Variants in SMOC1 observed in about 807,000 individuals in gnomAD.
SMOC1 encodes SPARC related modular calcium binding 1.
SMOC1 carries 22 observed loss-of-function variants against 56.3 expected under a neutral mutation model. That is an observed-to-expected ratio of 0.39 (90% confidence interval 0.28 to 0.56). The LOEUF (loss-of-function observed/expected upper bound fraction) is 0.56, where lower values mean the gene tolerates loss of function less well. Ranked by LOEUF, SMOC1 falls within the 20% of genes least tolerant of loss-of-function variation. The pLI, the probability that SMOC1 is intolerant of heterozygous loss-of-function variation, is 0.61. For synonymous variants in SMOC1, 193 were observed against 215.0 expected (o/e 0.90, Z 0.89); for missense variants, 509 against 565.4 (o/e 0.90, Z 1.01).
intron 1 of SMOC1, among the ~76,000 whole-genome samples, chr14:69,917,315 G>A (rs922428917): frequency 5.3e-5 from 8 of 152,176 alleles, no homozygotes; most frequent in African/African-American, 1.2e-4. Flanking sequence ...CAAACACCTC[G>A]CTGACAATGC....
intron 11 of SMOC1, among the ~76,000 whole-genome samples, chr14:70,026,204 A>G (rs915353310): frequency 1.3e-5 from 2 of 152,202 alleles, no homozygotes; most frequent in African/African-American, 4.8e-5. Context: ...GCACAGTCAG[A>G]TGGCCAATGT....
intron 10 of SMOC1, among the ~76,000 whole-genome samples, chr14:70,016,681 A>G (rs569016952): frequency 2.6e-5 from 4 of 152,234 alleles, no homozygotes; most frequent in African/African-American, 9.6e-5. Context: ...CTCTCCTCAC[A>G]TATTCCTTTC....
intron 1 of SMOC1, among the ~76,000 whole-genome samples, chr14:69,907,243 A>G (rs1884434165): frequency 6.6e-6 from 1 of 152,176 alleles, no homozygotes; most frequent in African/African-American, 2.4e-5. Context: ...CTTATCATGG[A>G]GGAATTATTA....
chr14:69,899,283 TC>T (rs1037379424), intron 1 of SMOC1, among the ~76,000 whole-genome samples: 3 of 152,186 alleles, frequency 2.0e-5, no homozygotes, highest in African/African-American at 7.2e-5. Flanking sequence ...TCAATTGTAA[TC>T]CCCAGTGTTG....
Position 70,013,414 on chromosome 14 carries a change from T to A in SMOC1, c.969T>A (p.Phe323Leu), listed in dbSNP as rs1418059426. 1 of 1,614,182 alleles carries A rather than the reference T, an allele frequency of 6.2e-7. No individual in the cohort carries two copies. The highest frequency in any genetic ancestry group is 1.1e-5 in the South Asian group (1 of 91,084). The change falls in exon 10 of 12, where the codon TTT becomes TTA. Residue 323 changes from phenylalanine to leucine, a missense_variant. Around this residue, in one of 3 missense-constraint regions of SMOC1, gnomAD observed 176 missense variants for 188.1 expected, o/e 0.94. Coordinates refer to ENST00000361956, the MANE Select transcript of SMOC1 (RefSeq NM_001034852.3). ...GTCCAGAAGGGAAGAAAATGGAGTT[T>A]ATCACCAGCCTACTGGATGCTCTCA... ...PGCPEGKKME[F>L]ITSLLDALTT...
Position 69,977,970 on chromosome 14 carries a change from G to A in SMOC1, c.526+5G>A. On this transcript the variant is annotated splice_donor_5th_base_variant and intron_variant, in intron 5 of 11. Transcript: ENST00000361956. ...AGGGTAACTCAGGAAGGAAAGGTGA[G>A]TGGAGTTTTATGCTTTATCTAAATG... 6.2e-7 allele frequency: 1 copy of A among 1,612,970 alleles called. No individual in the cohort carries two copies. Among genetic ancestry groups the A allele is most frequent in the Non-Finnish European group, 8.5e-7 (1 of 1,178,910 alleles).
rs1382064002 is a variant in SMOC1, at chr14:70,011,531, G to A, written c.904G>A (p.Glu302Lys). 4 of 1,593,232 alleles carry A rather than the reference G, an allele frequency of 2.5e-6. No homozygotes were observed. The highest frequency in any genetic ancestry group is 3.4e-6 in the Non-Finnish European group (4 of 1,167,840). Residue 302 changes from glutamate to lysine, a missense_variant, in exon 9 of 12, where the codon GAG (glutamate) becomes AAG (lysine). Physicochemically the swap from Glu to Lys is moderately conservative, Grantham distance 56. Transcript: ENST00000361956. ...CESDARAKTT[E>K]ADDPFKDREL... ...GAGCGACGCCAGGGCCAAGACTACA[G>A]AGGCGGATGACCCCTTCAAGGACAG...
chr14:69,922,750 T>A (rs566160519), intron 1 of SMOC1, among the ~76,000 whole-genome samples: 4 of 151,974 alleles, frequency 2.6e-5, no homozygotes, highest in Non-Finnish European at 5.9e-5. Context: ...GTTGGGTGTG[T>A]ATGGTGTGTG....
chr14:69,959,351 C>T (rs902317979), intron 3 of SMOC1, among the ~76,000 whole-genome samples: 1 of 152,164 alleles, frequency 6.6e-6, no homozygotes, highest in Non-Finnish European at 1.5e-5. Flanking sequence ...CATACTACCA[C>T]GTCGCTTTCC....
chr14:70,016,198 C>G (rs960149333), intron 10 of SMOC1, among the ~76,000 whole-genome samples: 8 of 152,200 alleles, frequency 5.3e-5, no homozygotes, highest in African/African-American at 1.9e-4. Flanking sequence ...AAATGACAGA[C>G]AGAAGGGATT....
intron 1 of SMOC1, among the ~76,000 whole-genome samples, chr14:69,930,105 T>C (rs1230111304): frequency 1.4e-5 from 2 of 140,920 alleles, no homozygotes; most frequent in African/African-American, 3.1e-5. Context: ...CTGCTTGGCT[T>C]CTGGATCATT....
chr14:69,968,355 C>T (rs1883644359), intron 3 of SMOC1, among the ~76,000 whole-genome samples: 1 of 152,114 alleles, frequency 6.6e-6, no homozygotes, highest in Admixed American at 6.6e-5. Context: ...TTTCATAAGC[C>T]CTCCAGATGA....
At chr14:69,977,798 G>A (rs916149782) in intron 4 of SMOC1, 120 bp from the exon 5 acceptor site, 30 of 800,850 alleles carry the variant, frequency 3.7e-5, no homozygotes, top group Non-Finnish European at 5.6e-5. Context: ...CCTTAGATGT[G>A]TATACAATAC....
intron 1 of SMOC1, chr14:69,885,262 ACTT>A (rs1338257622): frequency 1.4e-5 from 12 of 831,082 alleles, no homozygotes; most frequent in African/African-American, 3.9e-5. Context: ...CCTTCGAACA[ACTT>A]CTTTTTTTTT....
chr14:69,943,611 G>A (rs545251471), intron 1 of SMOC1, among the ~76,000 whole-genome samples: 8 of 152,330 alleles, frequency 5.3e-5, no homozygotes, highest in Middle Eastern at 3.4e-3. Context: ...CGGCTGAGCC[G>A]CAGCTAGACG....
intron 3 of SMOC1, among the ~76,000 whole-genome samples, chr14:69,972,325 C>G (rs2139492398): frequency 6.6e-6 from 1 of 152,294 alleles, no homozygotes; most frequent in East Asian, 1.9e-4. Context: ...CTCGGGGCTC[C>G]TTCAGCTAAG....
chr14:69,992,528 G>C (rs908573584), intron 6 of SMOC1, 55 bp downstream of exon 6: 2 of 1,361,376 alleles, frequency 1.5e-6, no homozygotes, highest in Admixed American at 3.3e-5. Flanking sequence ...TCAGGTTTGG[G>C]AAAAGTCTTA....
At chr14:70,016,075 AC>A (rs1181739161) in intron 10 of SMOC1, among the ~76,000 whole-genome samples, 1 of 152,178 alleles carries the variant, frequency 6.6e-6, no homozygotes, top group Non-Finnish European at 1.5e-5. Flanking sequence ...AGGAGGCAGG[AC>A]TTCAAGCTCC....
intron 11 of SMOC1, among the ~76,000 whole-genome samples, chr14:70,027,010 G>A (rs539591988): frequency 1.3e-5 from 2 of 152,152 alleles, no homozygotes; most frequent in Non-Finnish European, 2.9e-5. Flanking sequence ...TTAATCAATG[G>A]GGTGGGGTGA....
Sources: gnomAD v4.1 joint callset for allele counts (sites outside exome capture counted in the v4.1 genomes callset) on GRCh38, gnomAD v4.1.1 for gene constraint, gnomAD v4.1.1 regional missense constraint, MANE v1.5 for transcripts, NCBI Gene and HGNC (gene_info 2026-07-23, HGNC 2026-07-21) for gene names.